Variants in PCDH15 observed in about 807,000 individuals in gnomAD.
PCDH15 encodes the protein protocadherin related 15.
PCDH15 carries 129 observed loss-of-function variants against 178.5 expected under a neutral mutation model. The ratio of observed to expected loss-of-function variants is 0.72; its 90% CI spans 0.63 to 0.84. PCDH15 has a LOEUF of 0.84. Ranked by LOEUF, PCDH15 falls within the 40% of genes least tolerant of loss-of-function variation. PCDH15 has a pLI of 0.00. For synonymous variants in PCDH15, 800 were observed against 732.0 expected, an observed-to-expected ratio of 1.09 and a Z score of -1.50; for missense variants, 2,230 against 2,099.9, an observed-to-expected ratio of 1.06 and a Z score of -1.21.
intron 2 of PCDH15, among the ~76,000 whole-genome samples, chr10:55,058,250 T>G (rs2131995949): frequency 6.6e-6 from 1 of 152,262 alleles, no homozygotes; most frequent in African/African-American, 2.4e-5. Flanking sequence ...TTTCTCTGTT[T>G]CCCTGGCTAG....
intron 2 of PCDH15, among the ~76,000 whole-genome samples, chr10:55,350,286 CAT>C (rs1357151942): frequency 3.8e-5 from 5 of 132,888 alleles, no homozygotes; most frequent in African/African-American, 5.5e-5. Context: ...CACACACACA[CAT>C]ACATACACAC....
intron 2 of PCDH15, among the ~76,000 whole-genome samples, chr10:55,138,854 A>C (rs1283250271): frequency 1.3e-5 from 2 of 152,124 alleles, no homozygotes; most frequent in Admixed American, 1.3e-4. Context: ...AATTTCATGA[A>C]AATTGAATTA....
chr10:54,321,932 A>T (rs1465433318), intron 7 of PCDH15, among the ~76,000 whole-genome samples: 3 of 152,028 alleles, frequency 2.0e-5, no homozygotes, highest in Non-Finnish European at 4.4e-5. Context: ...CATATCACAT[A>T]GGAAAATATA....
At chr10:54,341,448 G>T (rs1048308766) in intron 6 of PCDH15, among the ~76,000 whole-genome samples, 6 of 152,146 alleles carry the variant, frequency 3.9e-5, no homozygotes, top group Non-Finnish European at 7.3e-5. Context: ...TTCCTGAGGT[G>T]TCCCTAGCCA....
chr10:53,818,347 T>C (rs956437806), intron 33 of PCDH15: 1 of 181,758 alleles, frequency 5.5e-6, no homozygotes, highest in African/African-American at 2.3e-5. Context: ...TTATACATGA[T>C]CTCTGTTATA....
intron 2 of PCDH15, among the ~76,000 whole-genome samples, chr10:55,122,145 A>T (rs1837787769): frequency 6.6e-6 from 1 of 152,180 alleles, no homozygotes; most frequent in Non-Finnish European, 1.5e-5. Context: ...TGTATTAAGT[A>T]TTAGACTCTG....
At chr10:55,481,650 A>T (rs1840183746) in intron 2 of PCDH15, among the ~76,000 whole-genome samples, 1 of 151,726 alleles carries the variant, frequency 6.6e-6, no homozygotes, top group Non-Finnish European at 1.5e-5. Context: ...AGTTTTGAGT[A>T]AATTTCTTAG....
At chr10:54,982,220 T>G (rs1839252525) in intron 2 of PCDH15, among the ~76,000 whole-genome samples, 1 of 152,136 alleles carries the variant, frequency 6.6e-6, no homozygotes, top group African/African-American at 2.4e-5. Flanking sequence ...ATTATTGAAC[T>G]CCTCTTGTCT....
intron 3 of PCDH15, among the ~76,000 whole-genome samples, chr10:54,521,981 G>T (rs888665246): frequency 2.0e-5 from 3 of 151,016 alleles, no homozygotes; most frequent in African/African-American, 7.3e-5. Flanking sequence ...CTAGCTACTC[G>T]GGAGGCTGAG....
intron 2 of PCDH15, among the ~76,000 whole-genome samples, chr10:55,540,530 C>T (rs764705866): frequency 1.6e-4 from 25 of 151,990 alleles, no homozygotes; most frequent in Non-Finnish European, 3.5e-4. Context: ...CTTCACCAGA[C>T]TGTAATTCTC....
intron 2 of PCDH15, among the ~76,000 whole-genome samples, chr10:55,577,671 A>G (rs1172921625): frequency 2.0e-5 from 3 of 152,178 alleles, no homozygotes; most frequent in Non-Finnish European, 4.4e-5. Context: ...TTGAAAATTG[A>G]AAAGAGTCAG....
chr10:54,632,935 A>C (rs2093741327), intron 2 of PCDH15, among the ~76,000 whole-genome samples: 1 of 152,178 alleles, frequency 6.6e-6, no homozygotes. Context: ...GATAGGTAAG[A>C]GACAGATAGC....
intron 2 of PCDH15, among the ~76,000 whole-genome samples, chr10:55,555,919 G>T (rs1046646545): frequency 6.6e-5 from 10 of 152,054 alleles, no homozygotes; most frequent in African/African-American, 1.9e-4. Context: ...ATCATCCAAA[G>T]AAATCACTTC....
chr10:53,982,775 C>G lies in PCDH15; in HGVS notation c.2868+12874G>C, dbSNP rs187728323. ...GCATGGCACATGTATACATATGTAA[C>G]TAACCTGCACATTGTGCACATGTAC... On this transcript the variant is annotated intron_variant, in intron 21 of 37. Coordinates refer to ENST00000644397, the MANE Select transcript of PCDH15 (RefSeq NM_001384140.1). Among the ~76,000 whole-genome samples, 1,046 of 151,554 alleles carry G rather than the reference C, an allele frequency of 6.9e-3. 10 individuals carry two copies. Among genetic ancestry groups the G allele is most frequent in the African/African-American group, 0.021 (873 of 41,230 alleles).
intron 2 of PCDH15, among the ~76,000 whole-genome samples, chr10:54,636,294 G>C (rs1453023818): frequency 1.3e-5 from 2 of 151,812 alleles, no homozygotes; most frequent in African/African-American, 4.8e-5. Flanking sequence ...CCAAGAATTA[G>C]AGTATTACCA....
Position 53,808,671 on chromosome 10 carries a change from T to A in PCDH15, c.4672-1541A>T, listed in dbSNP as rs375457423. 1.7e-5 allele frequency: 27 copies of A among 1,604,400 alleles called. No homozygotes were observed. In the African/African-American group the frequency reaches 2.4e-4, roughly 14 times the overall value. Reference sequence around the variant, plus strand: ...ACGAGAGCACTCATCACAGCAAAACTTCCACCTACTGTGATCTCTTTCAAA... The same window carrying A: ...ACGAGAGCACTCATCACAGCAAAACATCCACCTACTGTGATCTCTTTCAAA... On this transcript the variant is annotated intron_variant, in intron 37 of 37. Transcript: ENST00000644397.
intron 13 of PCDH15, among the ~76,000 whole-genome samples, chr10:54,175,552 T>C (rs1032965763): frequency 1.1e-4 from 16 of 152,018 alleles, no homozygotes; most frequent in African/African-American, 3.9e-4. Flanking sequence ...GTAGTTTATA[T>C]AGTTAGTTTA....
chr10:55,510,236 G>A (rs1208987928), intron 2 of PCDH15, among the ~76,000 whole-genome samples: 2 of 151,772 alleles, frequency 1.3e-5, no homozygotes, highest in Non-Finnish European at 2.9e-5. Flanking sequence ...ATATTTGGAT[G>A]GGAAAAAGAC....
chr10:54,695,985 C>G (rs1224257606), intron 1 of PCDH15, among the ~76,000 whole-genome samples: 1 of 152,046 alleles, frequency 6.6e-6, no homozygotes, highest in Non-Finnish European at 1.5e-5. Context: ...CCTGCCAGCA[C>G]AACATCCATT....
Sources: gnomAD v4.1 joint callset for allele counts (sites outside exome capture counted in the v4.1 genomes callset) on GRCh38, gnomAD v4.1.1 for gene constraint, MANE v1.5 for transcripts, NCBI Gene and HGNC (gene_info 2026-07-23, HGNC 2026-07-21) for gene names.